Variants in COL13A1 observed in about 807,000 individuals in gnomAD.
The protein encoded by COL13A1 is collagen type XIII alpha 1 chain.
Under a neutral mutation model 130.9 loss-of-function variants are expected in COL13A1, and 89 were observed. The ratio of observed to expected loss-of-function variants is 0.68; its 90% CI spans 0.57 to 0.81. The LOEUF is 0.81. Ranked by LOEUF, COL13A1 falls within the 30% of genes least tolerant of loss-of-function variation. The pLI is 0.00. For missense variants in COL13A1, 879 were observed against 934.6 expected, an observed-to-expected ratio of 0.94 and a Z score of 0.78; for synonymous variants, 402 against 341.6, an observed-to-expected ratio of 1.18 and a Z score of -1.95.
chr10:69,939,667 G>C (rs140487575), intron 34 of COL13A1, among the ~76,000 whole-genome samples: 14 of 152,332 alleles, frequency 9.2e-5, no homozygotes, highest in African/African-American at 3.1e-4. Context: ...TCCCCTGAGA[G>C]CTTTTCAAAC....
chr10:69,849,179 C>A (rs1165779320), intron 2 of COL13A1, among the ~76,000 whole-genome samples: 1 of 152,258 alleles, frequency 6.6e-6, no homozygotes, highest in Non-Finnish European at 1.5e-5. Flanking sequence ...GTTTCTGACC[C>A]TAAACTGGTA....
At chr10:69,840,309 C>T (rs1328511105) in intron 2 of COL13A1, among the ~76,000 whole-genome samples, 4 of 152,120 alleles carry the variant, frequency 2.6e-5, no homozygotes, top group African/African-American at 9.7e-5. Context: ...ATCGAAGGAG[C>T]CCGGTGACTC....
chr10:69,958,178 C>A (rs1266823184), intron 40 of COL13A1, among the ~76,000 whole-genome samples: 1 of 152,182 alleles, frequency 6.6e-6, no homozygotes, highest in Non-Finnish European at 1.5e-5. Flanking sequence ...CGTCCTCCTG[C>A]CAAGCTCCAC....
chr10:69,935,455 G>T (rs2066706375), intron 32 of COL13A1, 64 bp downstream of exon 32: 4 of 1,266,004 alleles, frequency 3.2e-6, no homozygotes, highest in Non-Finnish European at 4.3e-6. Flanking sequence ...CAGTCACTGG[G>T]CTCAACCTCA....
At chr10:69,866,651 C>T (rs564638893) in intron 2 of COL13A1, among the ~76,000 whole-genome samples, 1 of 152,214 alleles carries the variant, frequency 6.6e-6, no homozygotes, top group East Asian at 1.9e-4. Flanking sequence ...AGGCTCTACA[C>T]CTCTTGACTT....
chr10:69,917,253 G>T lies in COL13A1; in HGVS notation c.922-36G>T, dbSNP rs754595552. The T allele has an allele frequency of 5.0e-6, 8 of 1,612,632 alleles. No individual in the cohort carries two copies. In the South Asian group the frequency reaches 8.8e-5, roughly 18 times the overall value. ...TTGCAGGCTGACAGGCCCCGAGTCT[G>T]GTCCTCTCCTCATGCTTTCTCATTT... On this transcript the variant is annotated intron_variant, in intron 17 of 40. Coordinates refer to ENST00000645393, the MANE Select transcript of COL13A1 (RefSeq NM_001368882.1).
chr10:69,926,019 T>G, intron 26 of COL13A1, 147 bp downstream of exon 26: 1 of 651,872 alleles, frequency 1.5e-6, no homozygotes, highest in Non-Finnish European at 2.7e-6. Flanking sequence ...GCTTCCTCGC[T>G]TTCTCTCCTT....
chr10:69,802,759 G>T (rs768667569), intron 1 of COL13A1, 42 bp downstream of exon 1: 11 of 1,603,032 alleles, frequency 6.9e-6, no homozygotes, highest in African/African-American at 1.4e-5. Flanking sequence ...TCCCCGCGGC[G>T]CCCCCTCGCG....
rs562953065 is a variant in COL13A1 at position 69,887,950 on chromosome 10, C to T, written c.550-354C>T. 6.6e-5 allele frequency among the ~76,000 whole-genome samples: 10 copies of T among 152,220 alleles called. No individual in the cohort carries two copies. In the East Asian group the frequency reaches 1.5e-3, roughly 24 times the overall value. ...GACAGGCAGAGCAGAGGGAGCAGTT[C>T]CCCCTTTCTCCCAACCTCAATGCAG... On this transcript the variant is annotated intron_variant, in intron 8 of 40. Coordinates refer to ENST00000645393, the MANE Select transcript of COL13A1 (RefSeq NM_001368882.1).
intron 3 of COL13A1, among the ~76,000 whole-genome samples, chr10:69,868,317 G>C (rs1589178659): frequency 1.3e-5 from 2 of 151,196 alleles, no homozygotes; most frequent in African/African-American, 4.9e-5. Context: ...TGGTGGCGGC[G>C]GCAATGGTTA....
At chr10:69,810,347 T>TGAGAGAGAGAGAGAGAGAGAGAGAGA (rs55816117) in intron 1 of COL13A1, among the ~76,000 whole-genome samples, 19 of 119,810 alleles carry the variant, frequency 1.6e-4, no homozygotes, top group Admixed American at 2.8e-4. Flanking sequence ...GCCCTGAGAA[T>TGAGAGAGAGAGAGAGAGAGAGAGAGA]GAGAGAGAGA....
At chr10:69,957,647 T>C (rs534041386) in intron 40 of COL13A1, among the ~76,000 whole-genome samples, 2 of 152,360 alleles carry the variant, frequency 1.3e-5, no homozygotes, top group Admixed American at 1.3e-4. Context: ...TCTGACATCA[T>C]AGGACTGTGC....
chr10:69,811,217 C>T (rs562287850), intron 1 of COL13A1, among the ~76,000 whole-genome samples: 44 of 152,308 alleles, frequency 2.9e-4, no homozygotes, highest in African/African-American at 1.1e-3. Flanking sequence ...CCACCACCCC[C>T]TCCCTTCAGG....
chr10:69,943,277 T>C (rs987829314), intron 35 of COL13A1, among the ~76,000 whole-genome samples: 3 of 152,198 alleles, frequency 2.0e-5, no homozygotes, highest in Non-Finnish European at 2.9e-5. Context: ...TGCCCCGCCA[T>C]TCACAGATAC....
intron 3 of COL13A1, among the ~76,000 whole-genome samples, chr10:69,868,793 C>T (rs1190648807): frequency 6.6e-6 from 1 of 152,226 alleles, no homozygotes; most frequent in East Asian, 1.9e-4. Context: ...TGGCCCCTGA[C>T]ACATCACAGT....
Position 69,860,854 on chromosome 10 carries a change from C to G in COL13A1, c.365-6944C>G, listed in dbSNP as rs373408557. On this transcript the variant is annotated intron_variant, in intron 2 of 40. Coordinates refer to ENST00000645393, the MANE Select transcript of COL13A1 (RefSeq NM_001368882.1). ...GCCTGCTCAAACTGTCTCACCAGAG[C>G]CATCTCCACGAGGGCTCCAGGCCCC... 3.9e-4 allele frequency among the ~76,000 whole-genome samples: 59 copies of G among 152,332 alleles called. 1 individual carries two copies. The highest frequency in any genetic ancestry group is 3.1e-3 in the East Asian group (16 of 5,176).
intron 1 of COL13A1, among the ~76,000 whole-genome samples, chr10:69,804,542 C>T (rs1220826045): frequency 1.3e-5 from 2 of 152,030 alleles, no homozygotes; most frequent in African/African-American, 2.4e-5. Flanking sequence ...AACTGAACCC[C>T]ATTTTTCAGA....
intron 21 of COL13A1, among the ~76,000 whole-genome samples, chr10:69,920,639 G>C (rs1462507114): frequency 6.6e-6 from 1 of 152,248 alleles, no homozygotes; most frequent in African/African-American, 2.4e-5. Context: ...CGGCAAGAAA[G>C]CTGTCATATT....
At chr10:69,927,851 A>T (rs2135763075) in intron 27 of COL13A1, among the ~76,000 whole-genome samples, 1 of 152,336 alleles carries the variant, frequency 6.6e-6, no homozygotes, top group East Asian at 1.9e-4. Flanking sequence ...AATGAGCTTC[A>T]TTTGGAGACA....
Sources: allele counts gnomAD v4.1 joint callset (sites outside exome capture counted in the v4.1 genomes callset), GRCh38; gene constraint gnomAD v4.1.1; transcripts MANE v1.5; gene names NCBI Gene and HGNC (gene_info 2026-07-23, HGNC 2026-07-21).